Variants in TMCC1 observed in about 807,000 individuals in gnomAD.
The protein encoded by TMCC1 is transmembrane and coiled-coil domains protein 1.
TMCC1 carries 15 observed loss-of-function variants against 52.4 expected under a neutral mutation model. The observed-to-expected ratio is 0.29, with a 90% CI of 0.19 to 0.44. The LOEUF (loss-of-function observed/expected upper bound fraction) is 0.44. Ranked by LOEUF, TMCC1 falls within the 20% of genes least tolerant of loss-of-function variation. The pLI, the probability that TMCC1 is intolerant of heterozygous loss-of-function variation, is 1.00. For synonymous variants in TMCC1, 279 were observed against 301.9 expected (o/e 0.92, Z 0.79); for missense variants, 503 against 806.0 (o/e 0.62, Z 4.55).
rs114658461 is a variant in TMCC1 at position 129,670,551 on chromosome 3, T to A, written c.1290A>T (p.Ser430=). Residue 430 remains serine (S), a synonymous_variant, in exon 5 of 7, where the codon TCA becomes TCT. Transcript: ENST00000393238. ...CCCCTGTGGTGCTGTTGGCTCCCAC[T>A]GAGCCTGAAGTGGCACTAGAACAAT... ...EEDCSSATSG[S]VGANSTTGGI... 633 of 1,614,238 alleles carry A rather than the reference T, an allele frequency of 3.9e-4. No homozygotes were observed. The highest frequency in any genetic ancestry group is 4.2e-4 in the Non-Finnish European group (496 of 1,180,044).
At chr3:129,737,632 CT>C (rs1222771760) in intron 4 of TMCC1, among the ~76,000 whole-genome samples, 1 of 152,168 alleles carries the variant, frequency 6.6e-6, no homozygotes, top group Non-Finnish European at 1.5e-5. Flanking sequence ...GTTTCCAGAA[CT>C]GTGAGAAATA....
At chr3:129,676,264 T>C (rs1039179308) in intron 4 of TMCC1, among the ~76,000 whole-genome samples, 8 of 152,072 alleles carry the variant, frequency 5.3e-5, no homozygotes, top group Non-Finnish European at 7.4e-5. Context: ...ACAGCTGATA[T>C]TAGAATTTGT....
At chr3:129,876,034 C>T (rs2107979077) in intron 2 of TMCC1, among the ~76,000 whole-genome samples, 1 of 151,568 alleles carries the variant, frequency 6.6e-6, no homozygotes, top group East Asian at 1.9e-4. Flanking sequence ...ACCTGGGAGG[C>T]TGAGGCAGGA....
intron 4 of TMCC1, among the ~76,000 whole-genome samples, chr3:129,719,926 C>T (rs2049428415): frequency 6.6e-6 from 1 of 152,042 alleles, no homozygotes; most frequent in Admixed American, 6.6e-5. Flanking sequence ...TGCCTGTAAT[C>T]TCAACATTTT....
intron 1 of TMCC1, among the ~76,000 whole-genome samples, chr3:129,885,962 C>T (rs1208247115): frequency 1.3e-5 from 2 of 152,042 alleles, no homozygotes; most frequent in Non-Finnish European, 2.9e-5. Context: ...AGGATGGTCT[C>T]GATCTCTTGA....
intron 4 of TMCC1, among the ~76,000 whole-genome samples, chr3:129,672,258 G>A (rs1055765136): frequency 3.9e-5 from 6 of 152,154 alleles, no homozygotes; most frequent in African/African-American, 1.4e-4. Context: ...CCCTGGGTGT[G>A]GCTTGTGGTG....
At chr3:129,876,883 G>C (rs975990612) in intron 2 of TMCC1, among the ~76,000 whole-genome samples, 1 of 152,134 alleles carries the variant, frequency 6.6e-6, no homozygotes. Context: ...TGTGAAACTG[G>C]GAGGCGGAGC....
intron 4 of TMCC1, among the ~76,000 whole-genome samples, chr3:129,725,191 G>A (rs748097144): frequency 1.3e-5 from 2 of 152,086 alleles, no homozygotes; most frequent in Non-Finnish European, 2.9e-5. Flanking sequence ...TCAGCTCACC[G>A]CAACCTCCGC....
At chr3:129,732,267 C>T (rs1291220176) in intron 4 of TMCC1, among the ~76,000 whole-genome samples, 1 of 152,126 alleles carries the variant, frequency 6.6e-6, no homozygotes. Flanking sequence ...AACTTCAATA[C>T]CAATAGAAAT....
chr3:129,712,114 A>T (rs187886110), intron 4 of TMCC1, among the ~76,000 whole-genome samples: 158 of 151,852 alleles, frequency 1.0e-3, no homozygotes, highest in African/African-American at 3.4e-3. Context: ...GAGGTGAAGG[A>T]TGCAGTGAGT....
chr3:129,790,737 T>C (rs1395812698), intron 4 of TMCC1, among the ~76,000 whole-genome samples: 1 of 152,202 alleles, frequency 6.6e-6, no homozygotes, highest in East Asian at 1.9e-4. Context: ...TAAATTTTTC[T>C]CCTTAATAGA....
rs559952910 is a variant in TMCC1 at position 129,721,117 on chromosome 3, C to T, written c.577-49853G>A. 5.3e-5 allele frequency among the ~76,000 whole-genome samples: 8 copies of T among 152,260 alleles called. No homozygotes were observed. The South Asian group carries it at 1.5e-3, about 28-fold the overall frequency. On this transcript the variant is annotated intron_variant, in intron 4 of 6. Transcript: ENST00000393238. ...TTAATTATTGCTCTAATCATACCAA[C>T]TAACCTCTTTTTAATTCCTTGTAAA...
At chr3:129,754,055 T>C (rs951189750) in intron 4 of TMCC1, among the ~76,000 whole-genome samples, 1 of 151,964 alleles carries the variant, frequency 6.6e-6, no homozygotes, top group Non-Finnish European at 1.5e-5. Context: ...AAGGTCAATA[T>C]ACAAAAGTCA....
intron 6 of TMCC1, 63 bp downstream of exon 6, chr3:129,654,905 G>T: frequency 2.5e-6 from 4 of 1,573,186 alleles, no homozygotes; most frequent in Admixed American, 1.9e-5. Context: ...TCCTTCCGCT[G>T]TTTTCCTTTT....
chr3:129,731,927 C>G (rs2050579550), intron 4 of TMCC1, among the ~76,000 whole-genome samples: 1 of 152,110 alleles, frequency 6.6e-6, no homozygotes, highest in South Asian at 2.1e-4. Context: ...GCCTGGCTTC[C>G]CATATGTTTT....
chr3:129,792,179 T>TATATATATATACATATATATATATACAC (rs2056514533), intron 4 of TMCC1, among the ~76,000 whole-genome samples: 8 of 149,732 alleles, frequency 5.3e-5, no homozygotes, highest in Admixed American at 6.7e-5. Context: ...CAACTGTATA[T>TATATATATATACATATATATATATACAC]ATATATATAC....
chr3:129,716,416 G>A (rs573364782), intron 4 of TMCC1, among the ~76,000 whole-genome samples: 1 of 142,146 alleles, frequency 7.0e-6, no homozygotes, highest in Admixed American at 7.5e-5. Context: ...CTCACTGCAA[G>A]CTCTGTCTCC....
At chr3:129,730,181 T>G (rs1242947314) in intron 4 of TMCC1, among the ~76,000 whole-genome samples, 1 of 152,146 alleles carries the variant, frequency 6.6e-6, no homozygotes, top group African/African-American at 2.4e-5. Context: ...ATAAGTCCTT[T>G]GTCAGATATG....
At chr3:129,743,753 AT>A (rs1428627379) in intron 4 of TMCC1, among the ~76,000 whole-genome samples, 1 of 152,242 alleles carries the variant, frequency 6.6e-6, no homozygotes, top group Admixed American at 6.5e-5. Flanking sequence ...CAAAATGCCC[AT>A]TCCTGCTAAA....
Sources: allele counts gnomAD v4.1 joint callset (sites outside exome capture counted in the v4.1 genomes callset), GRCh38; gene constraint gnomAD v4.1.1; transcripts MANE v1.5; gene names NCBI Gene and HGNC (gene_info 2026-07-23, HGNC 2026-07-21).